The following POLD3 variants were observed in gnomAD, a reference collection of about 807,000 sequenced individuals.
POLD3 encodes the protein DNA polymerase delta subunit 3.
A neutral mutation model predicts 58.2 loss-of-function variants in POLD3; 19 were observed. The observed-to-expected ratio is 0.33, with a 90% CI of 0.23 to 0.48. The LOEUF (loss-of-function observed/expected upper bound fraction) is 0.48, where lower values mean the gene tolerates loss of function less well. Among genes scored for constraint, POLD3 ranks in the 20% least tolerant of loss-of-function variants. The pLI, the probability that POLD3 is intolerant of heterozygous loss-of-function variation, is 0.99. For synonymous variants in POLD3, 172 were observed against 193.5 expected (o/e 0.89, Z 0.92); for missense variants, 504 against 545.5 (o/e 0.92, Z 0.76).
intron 4 of POLD3, among the ~76,000 whole-genome samples, chr11:74,655,311 A>G (rs1487352998): frequency 2.6e-5 from 4 of 152,248 alleles, no homozygotes; most frequent in East Asian, 1.9e-4. Context: ...AGAGAGATCA[A>G]TGGTCCCGCA....
At chr11:74,635,586 A>G (rs2032725314) in intron 10 of POLD3, among the ~76,000 whole-genome samples, 1 of 152,198 alleles carries the variant, frequency 6.6e-6, no homozygotes, top group Admixed American at 6.5e-5. Flanking sequence ...AGGCTGAGGT[A>G]GGATGATCAT....
At chr11:74,664,303 C>T (rs915921929) in intron 4 of POLD3, among the ~76,000 whole-genome samples, 2 of 152,124 alleles carry the variant, frequency 1.3e-5, no homozygotes, top group African/African-American at 4.8e-5. Context: ...TGAAAACATA[C>T]ATCCATACAA....
intron 4 of POLD3, among the ~76,000 whole-genome samples, chr11:74,666,726 G>A (rs1270841347): frequency 6.6e-6 from 1 of 151,960 alleles, no homozygotes; most frequent in East Asian, 1.9e-4. Context: ...CCCAGAAATT[G>A]ACAAGCTGAC....
chr11:74,668,803 C>T lies in POLD3; in HGVS notation c.397C>T (p.Leu133=), dbSNP rs745369626. Residue 133 remains leucine (L), a synonymous_variant, in exon 5 of 5, where the codon CTA becomes TTA. Transcript: ENST00000524752. ...GGTGCTGGACATGCAGTCCCACTCA[C>T]TAGACATTTTGGAGCATTACGTGGA... The T allele has an allele frequency of 8.5e-6, 11 of 1,287,808 alleles. 2 individuals carry two copies. The South Asian group carries it at 1.4e-4, about 16-fold the overall frequency. The allele number at this position is 1,287,808 out of a possible 1,614,324, so 79.8% of individuals were successfully genotyped here.
intron 9 of POLD3, among the ~76,000 whole-genome samples, chr11:74,632,483 CAT>C (rs1394565584): frequency 6.6e-6 from 1 of 152,094 alleles, no homozygotes; most frequent in Non-Finnish European, 1.5e-5. Flanking sequence ...GGCAGACAGA[CAT>C]ATATTCTAGT....
chr11:74,604,530 CCTT>C (rs1213456687), intron 2 of POLD3, 159 bp from the exon 3 acceptor site: 2 of 578,478 alleles, frequency 3.5e-6, no homozygotes, highest in African/African-American at 2.0e-5. Context: ...TGAAGTCCAT[CCTT>C]TTTTTTTTTC....
chr11:74,661,079 C>G (rs185012518), intron 4 of POLD3, among the ~76,000 whole-genome samples: 1 of 152,108 alleles, frequency 6.6e-6, no homozygotes, highest in East Asian at 1.9e-4. Context: ...TTAAATTTAT[C>G]TGATAGAATT....
intron 11 of POLD3, 49 bp from the exon 12 acceptor site, chr11:74,640,515 A>G: frequency 6.8e-7 from 1 of 1,460,024 alleles, no homozygotes; most frequent in Non-Finnish European, 9.1e-7. Flanking sequence ...TTCTTCATAG[A>G]GTAAATGATT....
chr11:74,608,628 T>G (rs1337919685), intron 3 of POLD3, among the ~76,000 whole-genome samples: 1 of 152,162 alleles, frequency 6.6e-6, no homozygotes, highest in Non-Finnish European at 1.5e-5. Context: ...AGCTGGCATT[T>G]CCATTCTGTT....
chr11:74,653,749 G>T (rs2033097943), intron 4 of POLD3, among the ~76,000 whole-genome samples: 2 of 152,130 alleles, frequency 1.3e-5, no homozygotes, highest in South Asian at 4.2e-4. Context: ...AAATTACCAG[G>T]CTAGATTTTT....
At chr11:74,605,542 C>T (rs531734740) in intron 3 of POLD3, among the ~76,000 whole-genome samples, 84 of 152,222 alleles carry the variant, frequency 5.5e-4, no homozygotes, top group African/African-American at 1.8e-3. Context: ...CCCTCTCTGG[C>T]GTCCTCCCAA....
At chr11:74,636,629 G>A (rs1305700787) in intron 11 of POLD3, among the ~76,000 whole-genome samples, 1 of 152,130 alleles carries the variant, frequency 6.6e-6, no homozygotes, top group East Asian at 1.9e-4. Flanking sequence ...GGAAACCACA[G>A]TATGGGCTTA....
chr11:74,632,879 C>T (rs1335670492), intron 9 of POLD3, among the ~76,000 whole-genome samples: 1 of 33,450 alleles, frequency 3.0e-5, no homozygotes, highest in African/African-American at 5.3e-5. Flanking sequence ...TAAGTAAATA[C>T]ACACACACAC....
intron 4 of POLD3, among the ~76,000 whole-genome samples, chr11:74,667,157 TAG>T (rs1399780483): frequency 1.3e-5 from 2 of 152,176 alleles, no homozygotes; most frequent in Non-Finnish European, 1.5e-5. Context: ...CCAGTAGGCA[TAG>T]AGTTTCAGTT....
rs1723346103 is a variant in POLD3, at chr11:74,659,868, G to A, written c.370-8909G>A. ...TCCACATTTTTCTGTCTTCTTCTGA[G>A]CCCTCCAAACTGTTCTAACCTCTGC... is the stretch of plus-strand genomic sequence containing the variant. On this transcript the variant is annotated intron_variant, in intron 4 of 4. Coordinates refer to the POLD3 transcript ENST00000524752. Among the ~76,000 whole-genome samples the A allele has an allele frequency of 3.3e-5, 5 of 152,168 alleles. No homozygotes were observed. The South Asian group carries it at 1.0e-3, about 32-fold the overall frequency.
intron 4 of POLD3, among the ~76,000 whole-genome samples, chr11:74,651,145 A>G (rs1401050805): frequency 6.6e-6 from 1 of 152,230 alleles, no homozygotes; most frequent in East Asian, 1.9e-4. Flanking sequence ...TATAAGTTCT[A>G]GGAAGTCACG....
At position 74,641,800 on chromosome 11, in the gene POLD3, T is replaced by G. The variant is rs1349274562; in HGVS notation, c.*1034T>G. 3 of 985,214 alleles carry G rather than the reference T, an allele frequency of 3.0e-6. No individual in the cohort carries two copies. Among genetic ancestry groups the G allele is most frequent in the Non-Finnish European group, 3.6e-6 (3 of 829,840 alleles). 61.0% of individuals were successfully genotyped at this position (985,214 alleles called of 1,614,324 possible). A position where few individuals can be genotyped will look rare whatever the true frequency, so the allele number is the denominator to read the frequency against. ...AAATGGATGTTGCTCCTTTGTATTT[T>G]TAGCTTCCCTATTTGCTTAAAAGTA... On this transcript the variant is annotated 3_prime_UTR_variant, in exon 12 of 12. Coordinates refer to ENST00000263681, the MANE Select transcript of POLD3 (RefSeq NM_006591.3).
Position 74,620,437 on chromosome 11 carries a change from C to T in POLD3, c.733+348C>T, listed in dbSNP as rs116472405. On this transcript the variant is annotated intron_variant, in intron 7 of 11. Coordinates refer to ENST00000263681, the MANE Select transcript of POLD3 (RefSeq NM_006591.3). ...CGCAGTATAGTGTTGAGGTTAATAA[C>T]GTGGATGCTAGAGTCAGTTTGCCTG... is the stretch of plus-strand genomic sequence containing the variant. 2.0e-3 allele frequency among the ~76,000 whole-genome samples: 300 copies of T among 152,222 alleles called. 1 individual carries two copies. Among genetic ancestry groups the T allele is most frequent in the African/African-American group, 7.1e-3 (294 of 41,522 alleles).
At chr11:74,596,186 C>CTT (rs1158780095) in intron 2 of POLD3, among the ~76,000 whole-genome samples, 2 of 126,934 alleles carry the variant, frequency 1.6e-5, no homozygotes, top group African/African-American at 5.8e-5. Flanking sequence ...TTTTTTTTTT[C>CTT]TTTTTTTTTT....
Sources: allele counts gnomAD v4.1 joint callset (sites outside exome capture counted in the v4.1 genomes callset), GRCh38; gene constraint gnomAD v4.1.1; transcripts MANE v1.5; gene names NCBI Gene and HGNC (gene_info 2026-07-23, HGNC 2026-07-21).